Variants in SOAT2 observed in about 807,000 individuals in gnomAD.
The protein encoded by SOAT2 is ACAT-2.
In SOAT2, 87 loss-of-function variants were observed where a neutral mutation model predicts 76.0. The observed-to-expected ratio is 1.14, with a 90% CI of 0.96 to 1.37. The LOEUF (loss-of-function observed/expected upper bound fraction) is 1.37, where lower values mean the gene tolerates loss of function less well. Among genes scored for constraint, SOAT2 ranks in the 40% most tolerant of loss-of-function variants. SOAT2 has a pLI of 0.00. For missense variants in SOAT2, 686 were observed against 682.1 expected, an observed-to-expected ratio of 1.01 and a Z score of -0.06; for synonymous variants, 285 against 275.4, an observed-to-expected ratio of 1.03 and a Z score of -0.34.
chr12:53,115,064 A>G (rs1305721652), intron 5 of SOAT2, among the ~76,000 whole-genome samples: 1 of 152,206 alleles, frequency 6.6e-6, no homozygotes, highest in East Asian at 1.9e-4. Flanking sequence ...CTACAACAAC[A>G]GACGCTCCAA....
chr12:53,104,040 G>A (rs1323431308), intron 1 of SOAT2, 111 bp from the exon 2 acceptor site: 1 of 908,444 alleles, frequency 1.1e-6, no homozygotes, highest in East Asian at 2.4e-5. Flanking sequence ...TTGGCTGGTT[G>A]GGGTGAGGGC....
At chr12:53,113,761 A>T (rs963620249) in intron 5 of SOAT2, among the ~76,000 whole-genome samples, 7 of 152,224 alleles carry the variant, frequency 4.6e-5, no homozygotes, top group Non-Finnish European at 8.8e-5. Flanking sequence ...CTAAAGACAT[A>T]AGTGATTAAC....
At chr12:53,120,629 A>AG (rs898913857) in intron 10 of SOAT2, among the ~76,000 whole-genome samples, 157 bp from the exon 11 acceptor site, 1 of 151,974 alleles carries the variant, frequency 6.6e-6, no homozygotes, top group African/African-American at 2.4e-5. Flanking sequence ...AAAAAAAAAA[A>AG]AAAAAAGGAA....
At chr12:53,116,575 A>G (rs1938110264) in intron 7 of SOAT2, among the ~76,000 whole-genome samples, 1 of 152,212 alleles carries the variant, frequency 6.6e-6, no homozygotes, top group African/African-American at 2.4e-5. Context: ...TAAAGTCACC[A>G]GCTGCAGGCT....
At chr12:53,106,411 T>A (rs1432799778) in intron 5 of SOAT2, among the ~76,000 whole-genome samples, 2 of 152,266 alleles carry the variant, frequency 1.3e-5, no homozygotes, top group Admixed American at 6.5e-5. Flanking sequence ...ACCCCACTCC[T>A]GTCTGTGAGG....
chr12:53,108,654 T>A (rs10876407), intron 5 of SOAT2, among the ~76,000 whole-genome samples: 43,131 of 152,112 alleles, frequency 0.28, 7,564 homozygotes, highest in African/African-American at 0.51. Context: ...TCAATCTCCT[T>A]TTAGTTCAGT....
chr12:53,120,807 T>G lies in SOAT2; in HGVS notation c.1061T>G (p.Ile354Ser), dbSNP rs922574680. The G allele has an allele frequency of 6.2e-7, 1 of 1,613,996 alleles. No individual in the cohort carries two copies. ...CCAGGCATCTTCATGCTGCTGCTCA[T>G]CTTCTTTGCCTTCCTCCATTGCTGG... is the stretch of plus-strand genomic sequence containing the variant. ...TLPGIFMLLL[I>S]FFAFLHCWLN... Residue 354 changes from isoleucine (I) to serine (S), a missense_variant, in exon 11 of 15, where the codon ATC (isoleucine) becomes AGC (serine). Ile to Ser is a moderately radical substitution (Grantham distance 142, BLOSUM62 -2). Coordinates refer to ENST00000301466, the MANE Select transcript of SOAT2 (RefSeq NM_003578.4).
At position 53,118,671 on chromosome 12, in the gene SOAT2, A is replaced by T. The variant is rs539406510; in HGVS notation, c.864-219A>T. Among the ~76,000 whole-genome samples the T allele has an allele frequency of 1.6e-3, 243 of 151,922 alleles. 1 individual carries two copies. The highest frequency in any genetic ancestry group is 3.2e-3 in the Admixed American group (49 of 15,254). On this transcript the variant is annotated intron_variant, in intron 8 of 14. Coordinates refer to ENST00000301466, the MANE Select transcript of SOAT2 (RefSeq NM_003578.4). Reference sequence around the variant, plus strand: ...TACCCAGGACTGTCTTGATAATCCTACCCATCCTACACACCCTTGTTGACA... The same window carrying T: ...TACCCAGGACTGTCTTGATAATCCTTCCCATCCTACACACCCTTGTTGACA...
intron 10 of SOAT2, among the ~76,000 whole-genome samples, 168 bp from the exon 11 acceptor site, chr12:53,120,618 C>CA (rs35658019): frequency 0.11 from 9,300 of 86,614 alleles, 379 homozygotes; most frequent in East Asian, 0.2. Flanking sequence ...CAGCCTGTCT[C>CA]AAAAAAAAAA....
intron 10 of SOAT2, 134 bp from the exon 11 acceptor site, chr12:53,120,652 T>G: frequency 1.6e-6 from 1 of 618,278 alleles, no homozygotes; most frequent in Non-Finnish European, 2.9e-6. Context: ...CATAAATTTG[T>G]GAATTACCAA....
chr12:53,105,541 GAACA>G lies in SOAT2; in HGVS notation c.276-15_276-12del. 6.2e-7 allele frequency: 1 copy of G among 1,608,192 alleles called. No homozygotes were observed. The highest frequency in any genetic ancestry group is 1.1e-5 in the South Asian group (1 of 89,970). ...TGCCCATTTACTTTTTCCTGACCCT[GAACA>G]AACATCTCAATTCAGGACCCAGGAG... On this transcript the variant is annotated splice_polypyrimidine_tract_variant and intron_variant, in intron 3 of 14. Transcript: ENST00000301466.
chr12:53,103,676 G>T lies in SOAT2; in HGVS notation c.82+17G>T. On this transcript the variant is annotated intron_variant, in intron 1 of 14. Transcript: ENST00000301466. ...GTGGAGATGGTGAGCCGCCCTCGGG[G>T]GTGCAGAAGGCACAGGCAAGTGGGG... 1.3e-6 allele frequency: 2 copies of T among 1,509,182 alleles called. No homozygotes were observed. The highest frequency in any genetic ancestry group is 8.8e-7 in the Non-Finnish European group (1 of 1,130,574). 93.5% of individuals were successfully genotyped at this position (1,509,182 alleles called of 1,614,324 possible).
chr12:53,104,521 G>C (rs1008594788), intron 2 of SOAT2, among the ~76,000 whole-genome samples: 1 of 151,876 alleles, frequency 6.6e-6, no homozygotes, highest in Admixed American at 6.6e-5. Context: ...TGATCTACCC[G>C]CCTCGGCCTC....
intron 2 of SOAT2, among the ~76,000 whole-genome samples, 195 bp downstream of exon 2, chr12:53,104,401 C>G (rs1364671018): frequency 6.6e-6 from 1 of 151,148 alleles, no homozygotes; most frequent in African/African-American, 2.4e-5. Context: ...AAGCGAGTAG[C>G]TGAACTACAG....
At chr12:53,120,745 T>A in intron 10 of SOAT2, 41 bp from the exon 11 acceptor site, 1 of 1,486,170 alleles carries the variant, frequency 6.7e-7, no homozygotes. Context: ...TGGGTCCATG[T>A]GGGCCAGCCT....
At position 53,121,348 on chromosome 12, in the gene SOAT2, A is replaced by G; in HGVS notation, c.1183A>G (p.Asn395Asp). ...CTTCTCCAACTACTACCGCACTTGGAACGTGGTGGTCCATGACTGGCTGTA... is the reference window on the plus strand; with the variant it reads ...CTTCTCCAACTACTACCGCACTTGGGACGTGGTGGTCCATGACTGGCTGTA... ...TSFSNYYRTWNVVVHDWLYSY... is the reference protein window; with the variant it reads ...TSFSNYYRTWDVVVHDWLYSY... The change falls in exon 12 of 15, where the codon AAC (asparagine) becomes GAC (aspartate). Residue 395 changes from asparagine (N) to aspartate (D), a missense_variant. Coordinates refer to ENST00000301466, the MANE Select transcript of SOAT2 (RefSeq NM_003578.4). 6.2e-7 allele frequency: 1 copy of G among 1,614,130 alleles called. No homozygotes were observed. The highest frequency in any genetic ancestry group is 1.1e-5 in the South Asian group (1 of 91,080).
chr12:53,111,425 C>G (rs1565626746), intron 5 of SOAT2, among the ~76,000 whole-genome samples: 1 of 152,158 alleles, frequency 6.6e-6, no homozygotes, highest in Non-Finnish European at 1.5e-5. Context: ...AGCTTTAAAA[C>G]AGAGAATGAT....
rs754706744 is a variant in SOAT2 at position 53,105,994 on chromosome 12, C to A, written c.423C>A (p.Ile141=). Residue 141 remains isoleucine (I), a synonymous_variant, in exon 5 of 15, where the codon ATC becomes ATA. Transcript: ENST00000301466. ...TCTTCATCATCAGCACCCTGGCCAT[C>A]GACTTCATTGATGAGGGCAGGTAGG... ...LCVFIISTLA[I]DFIDEGRLLL... The A allele has an allele frequency of 3.1e-6, 5 of 1,613,886 alleles. No homozygotes were observed. The highest frequency in any genetic ancestry group is 1.7e-5 in the Admixed American group (1 of 60,024).
intron 13 of SOAT2, among the ~76,000 whole-genome samples, chr12:53,123,427 G>A (rs1223400638): frequency 6.6e-6 from 1 of 152,210 alleles, no homozygotes; most frequent in African/African-American, 2.4e-5. Flanking sequence ...GGGCATGTGG[G>A]AGGAGGTTTC....
Sources: gnomAD v4.1 joint callset for allele counts (sites outside exome capture counted in the v4.1 genomes callset) on GRCh38, gnomAD v4.1.1 for gene constraint, MANE v1.5 for transcripts, NCBI Gene and HGNC (gene_info 2026-07-23, HGNC 2026-07-21) for gene names.